The following SAMD9 variants were observed in gnomAD, a reference collection of about 807,000 sequenced individuals.
SAMD9 encodes the protein sterile alpha motif domain-containing protein 9.
Under a neutral mutation model 1.5 loss-of-function variants are expected in SAMD9, and 3 were observed. The ratio of observed to expected loss-of-function variants is 2.05; its 90% CI spans 0.93 to 5.29. SAMD9 has a LOEUF of 5.29. Ranked by LOEUF, SAMD9 falls within the 30% of genes most tolerant of loss-of-function variation. SAMD9 has a pLI of 0.02. For missense variants in SAMD9, 1,597 were observed against 1,820.8 expected, an observed-to-expected ratio of 0.88 and a Z score of 2.24; for synonymous variants, 635 against 631.9, an observed-to-expected ratio of 1.00 and a Z score of -0.07.
In SAMD9 at chr7:93,104,862, C is replaced by T. The variant is rs1456949419; in HGVS notation, c.1236G>A (p.Gln412=). The T allele has an allele frequency of 1.2e-6, 2 of 1,613,544 alleles. No homozygotes were observed. The highest frequency in any genetic ancestry group is 2.2e-5 in the South Asian group (2 of 91,032). ...QDLLDNSYYE[Q]YILVTNKCHP... ...GGCATTTATTTGTTACAAGAATGTACTGTTCATAGTATGAATTATCTAACA... is the reference window on the plus strand; with the variant it reads ...GGCATTTATTTGTTACAAGAATGTATTGTTCATAGTATGAATTATCTAACA... Residue 412 remains glutamine (Q), a synonymous_variant, in exon 3 of 3, where the codon CAG becomes CAA. Coordinates refer to ENST00000379958, the MANE Select transcript of SAMD9 (RefSeq NM_017654.4).
At chr7:93,108,087 T>A (rs1296049991) in intron 2 of SAMD9, among the ~76,000 whole-genome samples, 1 of 152,132 alleles carries the variant, frequency 6.6e-6, no homozygotes, top group Non-Finnish European at 1.5e-5. Flanking sequence ...CTTGGAGAAA[T>A]ATGTATAGCC....
At position 93,105,070 on chromosome 7, in the gene SAMD9, A is replaced by T; in HGVS notation, c.1028T>A (p.Val343Glu). 3 of 1,613,990 alleles carry T rather than the reference A, an allele frequency of 1.9e-6. No individual in the cohort carries two copies. In the South Asian group the frequency reaches 3.3e-5, roughly 18 times the overall value. ...GTCCTTAGAGCTGGTCCCATCTCGC[A>T]CAAATAGTGAGAATTTTTTACTTTG... ...WEQSKKFSLF[V>E]RDGTSSKDIT... Residue 343 changes from valine (V) to glutamate (E), a missense_variant, in exon 3 of 3, where the codon GTG (valine) becomes GAG (glutamate). Transcript: ENST00000379958.
chr7:93,104,393 C>A lies in SAMD9; in HGVS notation c.1705G>T (p.Gly569Ter). The part of the protein sequence containing the change: ...TFCAFYQDLK[G>*]MENILCICVH... ...CAAATACACAGTATATTTTCCATTC[C>A]TTTGAGATCCTGGTAGAAAGCACAG... Residue 569 changes from glycine to a stop codon, truncating the protein, a stop_gained, in exon 3 of 3, where the codon GGA (glycine) becomes TGA (stop). Transcript: ENST00000379958. LOFTEE classifies it low-confidence loss of function (END_TRUNC). 2 of 1,613,892 alleles carry A rather than the reference C, an allele frequency of 1.2e-6. No homozygotes were observed. Among genetic ancestry groups the A allele is most frequent in the Non-Finnish European group, 1.7e-6 (2 of 1,179,852 alleles).
chr7:93,100,475 A>G lies in SAMD9; in HGVS notation c.*853T>C, dbSNP rs139442132. 664 of 152,246 alleles carry G rather than the reference A, an allele frequency of 4.4e-3. 4 individuals are homozygous for G. Among genetic ancestry groups the G allele is most frequent in the African/African-American group, 0.015 (631 of 41,566 alleles). 9.4% of individuals were successfully genotyped at this position (152,246 alleles called of 1,614,324 possible). ...TTTTGGCAGCCATTGATGACTGCCC[A>G]TATCCATAATTTTATTAGGGGAAAA... On this transcript the variant is annotated 3_prime_UTR_variant, in exon 3 of 3. Coordinates refer to ENST00000379958, the MANE Select transcript of SAMD9 (RefSeq NM_017654.4).
At position 93,102,838 on chromosome 7, in the gene SAMD9, G is replaced by A. The variant is rs374889916; in HGVS notation, c.3260C>T (p.Ala1087Val). 2.5e-6 allele frequency: 4 copies of A among 1,613,660 alleles called. No individual in the cohort carries two copies. The highest frequency in any genetic ancestry group is 3.3e-5 in the Admixed American group (2 of 59,964). Reference protein sequence around the residue: ...RFNPNAFICQALARHFYIKKK... With the variant: ...RFNPNAFICQVLARHFYIKKK... Reference sequence around the variant, plus strand: ...TTTAATGTAGAAATGTCTTGCCAACGCTTGGCAAATGAATGCATTTGGGTT... The same window carrying A: ...TTTAATGTAGAAATGTCTTGCCAACACTTGGCAAATGAATGCATTTGGGTT... The change falls in exon 3 of 3, where the codon GCG (alanine) becomes GTG (valine). Residue 1087 changes from alanine to valine, a missense_variant. By Grantham distance (64) the Ala-to-Val change is moderately conservative. Coordinates refer to ENST00000379958, the MANE Select transcript of SAMD9 (RefSeq NM_017654.4).
Position 93,104,863 on chromosome 7 carries a change from T to C in SAMD9, c.1235A>G (p.Gln412Arg), listed in dbSNP as rs1467105622. 6.2e-7 allele frequency: 1 copy of C among 1,613,446 alleles called. No homozygotes were observed. The highest frequency in any genetic ancestry group is 8.5e-7 in the Non-Finnish European group (1 of 1,179,750). Reference protein sequence around the residue: ...QDLLDNSYYEQYILVTNKCHP... With the variant: ...QDLLDNSYYERYILVTNKCHP... ...GCATTTATTTGTTACAAGAATGTAC[T>C]GTTCATAGTATGAATTATCTAACAA... The change falls in exon 3 of 3, where the codon CAG becomes CGG. Residue 412 changes from glutamine (Q) to arginine (R), a missense_variant. Gln to Arg is a conservative substitution (Grantham distance 43). This residue lies in a region of SAMD9 where 358 missense variants were observed against 460.4 expected (regional missense o/e 0.78). Transcript: ENST00000379958.
rs372097723 is a variant in SAMD9 at position 93,105,928 on chromosome 7, A to G, written c.170T>C (p.Met57Thr). The G allele has an allele frequency of 6.2e-6, 10 of 1,612,874 alleles. No individual in the cohort carries two copies. In the East Asian group the frequency reaches 1.6e-4, roughly 25 times the overall value. Reference sequence around the variant, plus strand: ...AATAGCTGGTCCATGTGTGATGCCCATATCAACAAGATGTTCTTTTTTTAA... The same window carrying G: ...AATAGCTGGTCCATGTGTGATGCCCGTATCAACAAGATGTTCTTTTTTTAA... ...KWLKKEHLVD[M>T]GITHGPAIQI... The change falls in exon 3 of 3, where the codon ATG becomes ACG. Residue 57 changes from methionine to threonine, a missense_variant. By Grantham distance (81) the Met-to-Thr change is moderately conservative. Coordinates refer to ENST00000379958, the MANE Select transcript of SAMD9 (RefSeq NM_017654.4).
At chr7:93,117,383 A>G (rs1453293094) in intron 1 of SAMD9, among the ~76,000 whole-genome samples, 1 of 151,942 alleles carries the variant, frequency 6.6e-6, no homozygotes, top group African/African-American at 2.4e-5. Context: ...GGCTCAAGCA[A>G]TCCTTCTGCC....
In SAMD9 at chr7:93,103,253, C is replaced by T; in HGVS notation, c.2845G>A (p.Ala949Thr). Residue 949 changes from alanine to threonine, a missense_variant, in exon 3 of 3, where the codon GCT becomes ACT. Around this residue, in one of 6 missense-constraint regions of SAMD9, gnomAD observed 682 missense variants for 810.0 expected, o/e 0.84. Coordinates refer to ENST00000379958, the MANE Select transcript of SAMD9 (RefSeq NM_017654.4). Reference sequence around the variant, plus strand: ...TCAAATTTTTCTGTCCCCCAGAAAGCCTTCTTGTTTCCAATTCCTAAGAAT... The same window carrying T: ...TCAAATTTTTCTGTCCCCCAGAAAGTCTTCTTGTTTCCAATTCCTAAGAAT... ...EKFLGIGNKK[A>T]FWGTEKFEDK... is the part of the protein sequence containing the mutation. The T allele has an allele frequency of 4.3e-6, 7 of 1,613,636 alleles. No homozygotes were observed. Among genetic ancestry groups the T allele is most frequent in the East Asian group, 2.2e-5 (1 of 44,866 alleles).
Position 93,103,736 on chromosome 7 carries a change from G to A in SAMD9, c.2362C>T (p.Arg788Cys), listed in dbSNP as rs1410007797. The change falls in exon 3 of 3, where the codon CGT (arginine) becomes TGT (cysteine). Residue 788 changes from arginine to cysteine, a missense_variant. Arg to Cys is a radical substitution (Grantham distance 180, BLOSUM62 -3). Transcript: ENST00000379958. ...AGTAGTACAGGTACGTATTCCTGAC[G>A]GTTCATTGCCCCATAGGTGATTAAA... ...TSLITYGAMN[R>C]QEYVPVLLLV... The A allele has an allele frequency of 1.9e-6, 3 of 1,613,688 alleles. No homozygotes were observed. Among genetic ancestry groups the A allele is most frequent in the African/African-American group, 2.7e-5 (2 of 74,872 alleles).
chr7:93,114,366 T>TG (rs1172671528), intron 2 of SAMD9, among the ~76,000 whole-genome samples: 2 of 151,736 alleles, frequency 1.3e-5, no homozygotes, highest in Non-Finnish European at 2.9e-5. Flanking sequence ...AGTTAATGGG[T>TG]GCAGCACACC....
Position 93,102,944 on chromosome 7 carries a change from A to G in SAMD9, c.3154T>C (p.Ser1052Pro), listed in dbSNP as rs772294939. The change falls in exon 3 of 3, where the codon TCC becomes CCC. Residue 1052 changes from serine to proline, a missense_variant. Transcript: ENST00000379958. Reference protein sequence around the residue: ...EHEGETGNWFSPFIEALHKDE... With the variant: ...EHEGETGNWFPPFIEALHKDE... ...TTATGTAATGCTTCAATAAATGGGG[A>G]AAACCAATTTCCTGTTTCACCTTCA... The G allele has an allele frequency of 6.2e-7, 1 of 1,613,924 alleles. No homozygotes were observed. The highest frequency in any genetic ancestry group is 1.7e-5 in the Admixed American group (1 of 59,988).
rs770066025 is a variant in SAMD9 at position 93,103,112 on chromosome 7, A to G, written c.2986T>C (p.Leu996=). Residue 996 remains leucine (L), a synonymous_variant, in exon 3 of 3, where the codon TTG becomes CTG. Coordinates refer to ENST00000379958, the MANE Select transcript of SAMD9 (RefSeq NM_017654.4). Reference sequence around the variant, plus strand: ...TTATTCAGGTGATAGCTTTTCTTCAATTCTTCCAGTGAGAACTCTGCAATC... The same window carrying G: ...TTATTCAGGTGATAGCTTTTCTTCAGTTCTTCCAGTGAGAACTCTGCAATC... ...SLIAEFSLEE[L]KKSYHLNKSQ... 2 of 1,613,786 alleles carry G rather than the reference A, an allele frequency of 1.2e-6. No homozygotes were observed. The highest frequency in any genetic ancestry group is 1.7e-5 in the Admixed American group (1 of 60,002).
At chr7:93,106,179 A>G (rs2116424213) in intron 2 of SAMD9, 74 bp from the exon 3 acceptor site, 9 of 980,840 alleles carry the variant, frequency 9.2e-6, no homozygotes, top group East Asian at 5.5e-5. Context: ...TAGATAATAT[A>G]TACATAATTT....
chr7:93,105,791 G>T lies in SAMD9; in HGVS notation c.307C>A (p.Gln103Lys). 1 of 1,614,080 alleles carries T rather than the reference G, an allele frequency of 6.2e-7. No homozygotes were observed. The highest frequency in any genetic ancestry group is 8.5e-7 in the Non-Finnish European group (1 of 1,179,998). ...TTTGAAGTTTCTCTACGTTCCTTTT[G>T]AGACACAGTTTGGTCTTTAGGAGCA... ...KNAPKDQTVS[Q>K]KERRETSKQK... The change falls in exon 3 of 3, where the codon CAA becomes AAA. Residue 103 changes from glutamine (Q) to lysine (K), a missense_variant. Physicochemically the swap from Gln to Lys is moderately conservative, Grantham distance 53. This residue lies in a region of SAMD9 where 498 missense variants were observed against 457.4 expected (regional missense o/e 1.09). Transcript: ENST00000379958.
Position 93,103,090 on chromosome 7 carries a change from T to C in SAMD9, c.3008A>G (p.Asn1003Ser), listed in dbSNP as rs146087534. ...CATATCCAACATAATTTGACTTTTATTCAGGTGATAGCTTTTCTTCAATTC... is the reference window on the plus strand; with the variant it reads ...CATATCCAACATAATTTGACTTTTACTCAGGTGATAGCTTTTCTTCAATTC... ...LEELKKSYHL[N>S]KSQIMLDMLT... is the part of the protein sequence containing the mutation. The change falls in exon 3 of 3, where the codon AAT (asparagine) becomes AGT (serine). Residue 1003 changes from asparagine (N) to serine (S), a missense_variant. Coordinates refer to ENST00000379958, the MANE Select transcript of SAMD9 (RefSeq NM_017654.4). The C allele has an allele frequency of 1.1e-3, 1,729 of 1,613,844 alleles. 5 individuals carry two copies. Among genetic ancestry groups the C allele is most frequent in the South Asian group, 4.5e-3 (406 of 91,080 alleles).
chr7:93,100,675 G>A lies in SAMD9; in HGVS notation c.*653C>T, dbSNP rs1489579413. 1 of 151,674 alleles carries A rather than the reference G, an allele frequency of 6.6e-6. No homozygotes were observed. Among genetic ancestry groups the A allele is most frequent in the East Asian group, 1.9e-4 (1 of 5,168 alleles). 9.4% of individuals were successfully genotyped at this position (151,674 alleles called of 1,614,324 possible). A position where few individuals can be genotyped will look rare whatever the true frequency, so the allele number is the denominator to read the frequency against. ...CTGTATGTTTTTTTTTTAATTGTTT[G>A]TTTGGAGGGGAGTTGATAAGCTAAT... On this transcript the variant is annotated 3_prime_UTR_variant, in exon 3 of 3. Coordinates refer to ENST00000379958, the MANE Select transcript of SAMD9 (RefSeq NM_017654.4).
chr7:93,110,060 AG>A (rs1791713778), intron 2 of SAMD9, among the ~76,000 whole-genome samples: 1 of 152,240 alleles, frequency 6.6e-6, no homozygotes, highest in Non-Finnish European at 1.5e-5. Flanking sequence ...CCAGAAAGAA[AG>A]GTCCGGTTAC....
In SAMD9 at chr7:93,099,570, A is replaced by C. The variant is rs1325304848; in HGVS notation, c.*1758T>G. On this transcript the variant is annotated 3_prime_UTR_variant, in exon 3 of 3. Transcript: ENST00000379958. ...GAAAGTAACAATAAAGAGTGAGCTTATAAGTTATGGAGTTAAAATTTTATG... is the reference window on the plus strand; with the variant it reads ...GAAAGTAACAATAAAGAGTGAGCTTCTAAGTTATGGAGTTAAAATTTTATG... 6.6e-6 allele frequency: 1 copy of C among 152,278 alleles called. No homozygotes were observed. The highest frequency in any genetic ancestry group is 2.1e-4 in the South Asian group (1 of 4,838). The allele number at this position is 152,278 out of a possible 1,614,324, so 9.4% of individuals were successfully genotyped here.
Sources: gnomAD v4.1 joint callset for allele counts (sites outside exome capture counted in the v4.1 genomes callset) on GRCh38, gnomAD v4.1.1 for gene constraint, gnomAD v4.1.1 regional missense constraint, MANE v1.5 for transcripts, NCBI Gene and HGNC (gene_info 2026-07-23, HGNC 2026-07-21) for gene names.